The following CNTN4 variants were observed in gnomAD, a reference collection of about 807,000 sequenced individuals.
CNTN4 encodes contactin-4.
A neutral mutation model predicts 122.5 loss-of-function variants in CNTN4; 77 were observed. That is an observed-to-expected ratio of 0.63 (90% CI 0.52 to 0.76). The LOEUF is 0.76. CNTN4 is among the 30% of genes least tolerant of loss of function. The pLI is 0.00. For missense variants in CNTN4, 1,256 were observed against 1,259.1 expected (o/e 1.00, Z 0.04); for synonymous variants, 512 against 447.0 (o/e 1.15, Z -1.83).
Position 2,982,293 on chromosome 3 carries a change from C to T in CNTN4, c.1359-6052C>T, listed in dbSNP as rs116435361. The stretch of plus-strand genomic sequence containing the variant: ...TTCAGAATCCATTCCTTCCATTCTA[C>T]TTTTACTACCACCGTCACCTGAACA... On this transcript the variant is annotated intron_variant, in intron 13 of 24. Transcript: ENST00000418658. Among the ~76,000 whole-genome samples the T allele has an allele frequency of 6.6e-3, 1,007 of 152,278 alleles. 10 individuals carry two copies. Among genetic ancestry groups the T allele is most frequent in the African/African-American group, 0.022 (922 of 41,554 alleles).
At position 2,154,470 on chromosome 3, in the gene CNTN4, G is replaced by A. The variant is rs369308140; in HGVS notation, c.-145+53831G>A. 2.6e-4 allele frequency among the ~76,000 whole-genome samples: 39 copies of A among 152,082 alleles called. No individual in the cohort carries two copies. In the South Asian group the frequency reaches 7.5e-3, roughly 29 times the overall value. The stretch of plus-strand genomic sequence containing the variant: ...CCTGGATCATTCAGTCTACACTGGC[G>A]TATTTCGCTCAAGTGACATTAGAGA... On this transcript the variant is annotated intron_variant, in intron 2 of 24. Coordinates refer to ENST00000418658, the MANE Select transcript of CNTN4 (RefSeq NM_175607.3).
chr3:2,206,115 TCTC>T (rs560817312), intron 2 of CNTN4, among the ~76,000 whole-genome samples: 72 of 152,196 alleles, frequency 4.7e-4, no homozygotes, highest in African/African-American at 1.6e-3. Flanking sequence ...CCATGGACCT[TCTC>T]CTCTTCTATT....
At chr3:2,233,441 C>A (rs1296397146) in intron 2 of CNTN4, among the ~76,000 whole-genome samples, 4 of 152,098 alleles carry the variant, frequency 2.6e-5, no homozygotes, top group African/African-American at 9.7e-5. Context: ...TCTGCATTCT[C>A]CGTTAGGGCT....
chr3:2,465,626 G>A (rs970787624), intron 3 of CNTN4, among the ~76,000 whole-genome samples: 7 of 152,058 alleles, frequency 4.6e-5, no homozygotes, highest in Non-Finnish European at 1.0e-4. Context: ...GCAGTGAGCC[G>A]AGATTGCGCC....
intron 4 of CNTN4, among the ~76,000 whole-genome samples, chr3:2,634,395 T>C (rs943200678): frequency 3.3e-5 from 5 of 152,184 alleles, no homozygotes; most frequent in African/African-American, 1.2e-4. Flanking sequence ...TTCCTAAAAA[T>C]GCTCTTTCAG....
At chr3:2,160,445 G>T (rs977006041) in intron 2 of CNTN4, among the ~76,000 whole-genome samples, 2 of 151,966 alleles carry the variant, frequency 1.3e-5, no homozygotes, top group Admixed American at 1.3e-4. Flanking sequence ...TATGACTTCT[G>T]GCAAGTCAAA....
chr3:2,347,410 CTTTTTTT>C (rs10664705), intron 3 of CNTN4, among the ~76,000 whole-genome samples: 5 of 113,164 alleles, frequency 4.4e-5, no homozygotes, highest in East Asian at 2.6e-4. Context: ...GAAATACAAT[CTTTTTTT>C]TTTTTTTTTT....
At chr3:2,636,459 C>T (rs762012043) in intron 4 of CNTN4, among the ~76,000 whole-genome samples, 2 of 152,120 alleles carry the variant, frequency 1.3e-5, no homozygotes, top group Non-Finnish European at 2.9e-5. Context: ...GGGAAAAAAA[C>T]CCAGGAATTA....
At chr3:2,143,714 G>A (rs1437143434) in intron 2 of CNTN4, among the ~76,000 whole-genome samples, 1 of 152,188 alleles carries the variant, frequency 6.6e-6, no homozygotes, top group East Asian at 1.9e-4. Flanking sequence ...ATTTGTAGAT[G>A]AAGAAATTGA....
At chr3:2,476,459 G>C (rs753257550) in intron 3 of CNTN4, among the ~76,000 whole-genome samples, 3 of 152,128 alleles carry the variant, frequency 2.0e-5, no homozygotes, top group Non-Finnish European at 4.4e-5. Context: ...TGTTTGCATG[G>C]CACATCCATA....
rs983279628 is a variant in CNTN4 at position 2,347,873 on chromosome 3, T to C, written c.-89+8640T>C. 8.4e-4 allele frequency among the ~76,000 whole-genome samples: 128 copies of C among 152,248 alleles called. 1 individual carries two copies. The highest frequency in any genetic ancestry group is 3.0e-3 in the African/African-American group (123 of 41,568). ...TTTATCTTTTTTTTAAGTCATGTTTTCTTGCTTTATCATGGATTCAGTTCC... is the reference window on the plus strand; with the variant it reads ...TTTATCTTTTTTTTAAGTCATGTTTCCTTGCTTTATCATGGATTCAGTTCC... On this transcript the variant is annotated intron_variant, in intron 3 of 24. Coordinates refer to ENST00000418658, the MANE Select transcript of CNTN4 (RefSeq NM_175607.3).
chr3:2,496,494 A>C (rs748664229), intron 3 of CNTN4, among the ~76,000 whole-genome samples: 2 of 152,180 alleles, frequency 1.3e-5, no homozygotes, highest in Non-Finnish European at 2.9e-5. Flanking sequence ...TTTGTTGACC[A>C]GTAGAGTGCT....
chr3:2,767,640 G>C (rs77123734), intron 6 of CNTN4, among the ~76,000 whole-genome samples: 8 of 152,256 alleles, frequency 5.3e-5, no homozygotes, highest in Non-Finnish European at 4.4e-5. Flanking sequence ...ATGCACAGCC[G>C]ATTAGAAAAA....
chr3:2,538,806 T>C (rs2077914881), intron 3 of CNTN4, among the ~76,000 whole-genome samples: 1 of 151,936 alleles, frequency 6.6e-6, no homozygotes, highest in Non-Finnish European at 1.5e-5. Context: ...TTTTCACCAA[T>C]GTGCATGTAT....
At position 2,324,663 on chromosome 3, in the gene CNTN4, C is replaced by T. The variant is rs186150089; in HGVS notation, c.-144-14515C>T. On this transcript the variant is annotated intron_variant, in intron 2 of 24. Transcript: ENST00000418658. ...TTGATTCTGAGAACCCTGAGCCTACCCCAAAAGGTAAAGGAATCACCTTTC... is the reference window on the plus strand; with the variant it reads ...TTGATTCTGAGAACCCTGAGCCTACTCCAAAAGGTAAAGGAATCACCTTTC... Among the ~76,000 whole-genome samples the T allele has an allele frequency of 5.9e-5, 9 of 152,106 alleles. No homozygotes were observed. The East Asian group carries it at 1.7e-3, about 29-fold the overall frequency.
intron 3 of CNTN4, among the ~76,000 whole-genome samples, chr3:2,401,685 T>C (rs1437886193): frequency 6.6e-6 from 1 of 152,106 alleles, no homozygotes; most frequent in African/African-American, 2.4e-5. Flanking sequence ...GAGTGAACAG[T>C]GCACATGGTT....
chr3:2,678,959 T>G (rs1023845093), intron 4 of CNTN4, among the ~76,000 whole-genome samples: 1 of 152,168 alleles, frequency 6.6e-6, no homozygotes, highest in African/African-American at 2.4e-5. Flanking sequence ...AGGTACCTTT[T>G]TACATTAAAC....
intron 14 of CNTN4, among the ~76,000 whole-genome samples, chr3:3,009,280 A>G (rs1391706839): frequency 6.6e-6 from 1 of 152,198 alleles, no homozygotes; most frequent in Non-Finnish European, 1.5e-5. Flanking sequence ...TTACCTTTCA[A>G]TTATCATGGC....
At chr3:2,617,818 G>T (rs1033240288) in intron 4 of CNTN4, among the ~76,000 whole-genome samples, 2 of 151,998 alleles carry the variant, frequency 1.3e-5, no homozygotes, top group African/African-American at 2.4e-5. Context: ...TTTCTTCTCG[G>T]TTATAATCTC....
Sources: gnomAD v4.1 joint callset for allele counts (sites outside exome capture counted in the v4.1 genomes callset) on GRCh38, gnomAD v4.1.1 for gene constraint, MANE v1.5 for transcripts, NCBI Gene and HGNC (gene_info 2026-07-23, HGNC 2026-07-21) for gene names.